Variants in GATB observed in about 807,000 individuals in gnomAD.
The protein encoded by GATB is glutamyl-tRNA(Gln) amidotransferase subunit B, mitochondrial.
In GATB, 39 loss-of-function variants were observed where a neutral mutation model predicts 62.3. The ratio of observed to expected loss-of-function variants is 0.63; its 90% CI spans 0.48 to 0.82. The LOEUF is 0.82. Ranked by LOEUF, GATB falls within the 40% of genes least tolerant of loss-of-function variation. The probability of loss-of-function intolerance (pLI) is 0.00; values close to 1 mark genes in which losing one functional copy is unlikely to be tolerated. For missense variants in GATB, 670 were observed against 684.0 expected, an observed-to-expected ratio of 0.98 and a Z score of 0.23; for synonymous variants, 276 against 258.9, an observed-to-expected ratio of 1.07 and a Z score of -0.63.
chr4:151,727,808 C>A (rs1211562667), intron 2 of GATB, among the ~76,000 whole-genome samples: 1 of 152,152 alleles, frequency 6.6e-6, no homozygotes, highest in Non-Finnish European at 1.5e-5. Context: ...ACATAGCAGA[C>A]ACTTAGTAAT....
intron 2 of GATB, among the ~76,000 whole-genome samples, chr4:151,746,468 T>C (rs369330044): frequency 6.6e-6 from 1 of 152,234 alleles, no homozygotes; most frequent in African/African-American, 2.4e-5. Context: ...ATCCTGTCTA[T>C]AGATCTATAG....
chr4:151,708,783 G>A (rs1175602636), intron 5 of GATB, among the ~76,000 whole-genome samples: 1 of 152,196 alleles, frequency 6.6e-6, no homozygotes, highest in Non-Finnish European at 1.5e-5. Context: ...GACTCAGAGA[G>A]GTGCTGACCC....
At chr4:151,758,725 A>G (rs746207704) in intron 2 of GATB, 47 bp downstream of exon 2, 18 of 1,395,658 alleles carry the variant, frequency 1.3e-5, no homozygotes, top group Non-Finnish European at 1.7e-5. Context: ...TGTTCAATAT[A>G]AAATAAACAT....
chr4:151,693,345 G>C (rs916854798), intron 9 of GATB, among the ~76,000 whole-genome samples: 1 of 152,178 alleles, frequency 6.6e-6, no homozygotes, highest in Non-Finnish European at 1.5e-5. Context: ...CACGGGAATC[G>C]GTGCCCCTTC....
chr4:151,738,211 A>G (rs1201970535), intron 2 of GATB, among the ~76,000 whole-genome samples: 1 of 152,184 alleles, frequency 6.6e-6, no homozygotes, highest in Non-Finnish European at 1.5e-5. Context: ...GCCCAAGACC[A>G]TGGGAACCCA....
chr4:151,725,631 C>T (rs1273180685), intron 2 of GATB, among the ~76,000 whole-genome samples: 1 of 152,020 alleles, frequency 6.6e-6, no homozygotes, highest in African/African-American at 2.4e-5. Context: ...ACATTAAATA[C>T]CAGGAAAGGG....
intron 2 of GATB, among the ~76,000 whole-genome samples, chr4:151,752,676 G>A (rs1305845321): frequency 2.6e-5 from 4 of 152,004 alleles, no homozygotes; most frequent in Non-Finnish European, 5.9e-5. Flanking sequence ...ATCTCTCTGA[G>A]GACATTTATA....
intron 2 of GATB, among the ~76,000 whole-genome samples, chr4:151,726,484 T>C (rs1739140147): frequency 6.6e-6 from 1 of 152,270 alleles, no homozygotes; most frequent in Non-Finnish European, 1.5e-5. Flanking sequence ...TAAGTATTTA[T>C]ATTAACAGAA....
At chr4:151,755,938 T>C (rs1364123979) in intron 2 of GATB, among the ~76,000 whole-genome samples, 3 of 152,214 alleles carry the variant, frequency 2.0e-5, no homozygotes, top group South Asian at 2.1e-4. Flanking sequence ...ACAATAGATA[T>C]AGGTTTCTTG....
chr4:151,698,109 A>T (rs1374545230), intron 9 of GATB, among the ~76,000 whole-genome samples: 2 of 151,314 alleles, frequency 1.3e-5, no homozygotes, highest in Non-Finnish European at 2.9e-5. Context: ...TGGTTTATGT[A>T]TCTGACCTTT....
chr4:151,750,052 T>C (rs1471867514), intron 2 of GATB, among the ~76,000 whole-genome samples: 1 of 152,084 alleles, frequency 6.6e-6, no homozygotes, highest in Non-Finnish European at 1.5e-5. Context: ...CAGCTAATTT[T>C]TTGTACTTTT....
At chr4:151,703,792 A>T in intron 8 of GATB, 59 bp downstream of exon 8, 1 of 1,162,716 alleles carries the variant, frequency 8.6e-7, no homozygotes, top group Non-Finnish European at 1.3e-6. Context: ...CTTTAAATGA[A>T]CTTGAAATAC....
At position 151,688,714 on chromosome 4, in the gene GATB, C is replaced by T; in HGVS notation, c.1247G>A (p.Arg416Lys). 1.9e-6 allele frequency: 3 copies of T among 1,612,650 alleles called. No homozygotes were observed. Among genetic ancestry groups the T allele is most frequent in the Non-Finnish European group, 1.7e-6 (2 of 1,179,594 alleles). ...ACTAGTCACCTTTTTTGGCTCTGCC[C>T]TAGTTTCTTTTATCACATTTTGGAA... ...EFFQNVIKET[R>K]AEPKKVTSWV... Residue 416 changes from arginine (R) to lysine (K), a missense_variant, in exon 10 of 13, where the codon AGG becomes AAG. Coordinates refer to ENST00000263985, the MANE Select transcript of GATB (RefSeq NM_004564.3).
intron 2 of GATB, among the ~76,000 whole-genome samples, chr4:151,740,924 T>C (rs1399830052): frequency 6.6e-6 from 1 of 152,188 alleles, no homozygotes; most frequent in African/African-American, 2.4e-5. Flanking sequence ...GTTTTTTTTT[T>C]GGACTACTAC....
At chr4:151,735,144 A>T (rs1051657744) in intron 2 of GATB, among the ~76,000 whole-genome samples, 3 of 152,114 alleles carry the variant, frequency 2.0e-5, no homozygotes, top group African/African-American at 7.2e-5. Context: ...ATAAACAGAA[A>T]ACCCACAAAG....
chr4:151,712,848 T>C (rs774581159), intron 5 of GATB, among the ~76,000 whole-genome samples: 1 of 152,204 alleles, frequency 6.6e-6, no homozygotes, highest in Non-Finnish European at 1.5e-5. Context: ...AGTACATTCA[T>C]TGTAATATAG....
chr4:151,735,734 GTGTATATATATA>G (rs1307991564), intron 2 of GATB, among the ~76,000 whole-genome samples: 6 of 93,624 alleles, frequency 6.4e-5, no homozygotes, highest in East Asian at 5.9e-4. Flanking sequence ...ATAAACTGTG[GTGTATATATATA>G]TATATATATA....
chr4:151,718,323 T>C (rs566633228), intron 3 of GATB, among the ~76,000 whole-genome samples: 55 of 152,274 alleles, frequency 3.6e-4, no homozygotes, highest in Admixed American at 3.0e-3. Flanking sequence ...CAGTTAAATC[T>C]GAATTTCAGA....
rs1194554697 is a variant in GATB, at chr4:151,708,065, T to C, written c.800A>G (p.His267Arg). 1.2e-6 allele frequency: 2 copies of C among 1,614,064 alleles called. No homozygotes were observed. Among genetic ancestry groups the C allele is most frequent in the Non-Finnish European group, 1.7e-6 (2 of 1,179,910 alleles). ...QLRVDANISV[H>R]HPGEPLGVRT... Reference sequence around the variant, plus strand: ...AACGCCCAAAGGCTCCCCAGGGTGATGCACGGATATATTGGCATCCACTCT... The same window carrying C: ...AACGCCCAAAGGCTCCCCAGGGTGACGCACGGATATATTGGCATCCACTCT... Residue 267 changes from histidine to arginine, a missense_variant, in exon 6 of 13, where the codon CAT becomes CGT. Transcript: ENST00000263985.
Sources: allele counts gnomAD v4.1 joint callset (sites outside exome capture counted in the v4.1 genomes callset), GRCh38; gene constraint gnomAD v4.1.1; transcripts MANE v1.5; gene names NCBI Gene and HGNC (gene_info 2026-07-23, HGNC 2026-07-21).